GAB2: variants seen among roughly 807,000 people sequenced by gnomAD.
GAB2 encodes the protein GRB2-associated-binding protein 2.
In GAB2, 26 loss-of-function variants were observed where a neutral mutation model predicts 65.5. The observed-to-expected ratio is 0.40, with a 90% CI of 0.29 to 0.55. GAB2 has a LOEUF of 0.55. Among genes scored for constraint, GAB2 ranks in the 20% least tolerant of loss-of-function variants. GAB2 has a pLI of 0.53. For missense variants in GAB2, 884 were observed against 875.8 expected (o/e 1.01, Z -0.12); for synonymous variants, 321 against 329.6 (o/e 0.97, Z 0.28).
At chr11:78,343,384 G>C (rs1005691624) in intron 1 of GAB2, among the ~76,000 whole-genome samples, 1 of 143,544 alleles carries the variant, frequency 7.0e-6, no homozygotes. Flanking sequence ...GGGAAGGAGA[G>C]AGGGAGAGAG....
intron 1 of GAB2, among the ~76,000 whole-genome samples, chr11:78,350,419 A>G (rs1856258542): frequency 6.6e-6 from 1 of 152,238 alleles, no homozygotes; most frequent in African/African-American, 2.4e-5. Flanking sequence ...ACAAAGGCCC[A>G]GCGTTTCTAA....
rs1864172455 is a variant in GAB2, at chr11:78,216,822, C to G, written c.*2450G>C. The stretch of plus-strand genomic sequence containing the variant: ...TTAAAAGCTCTGTCGTATGGGGCCC[C>G]TTGTAGGGGGCCTTTAAGGCACACA... On this transcript the variant is annotated 3_prime_UTR_variant, in exon 10 of 10. Transcript: ENST00000361507. 6.6e-6 allele frequency: 1 copy of G among 152,188 alleles called. No homozygotes were observed. Among genetic ancestry groups the G allele is most frequent in the Non-Finnish European group, 1.5e-5 (1 of 68,046 alleles). The allele number at this position is 152,188 out of a possible 1,614,324, so 9.4% of individuals were successfully genotyped here.
chr11:78,328,876 C>G (rs1855869123), intron 1 of GAB2, among the ~76,000 whole-genome samples: 1 of 152,070 alleles, frequency 6.6e-6, no homozygotes, highest in Non-Finnish European at 1.5e-5. Context: ...ACATTTTTGT[C>G]ACATCTCAAA....
At chr11:78,298,968 A>G (rs904327578) in intron 1 of GAB2, among the ~76,000 whole-genome samples, 2 of 152,194 alleles carry the variant, frequency 1.3e-5, no homozygotes, top group South Asian at 4.1e-4. Context: ...TCAAACTTCA[A>G]TGTGCATCAG....
intron 1 of GAB2, among the ~76,000 whole-genome samples, chr11:78,291,059 A>C (rs1034579682): frequency 6.7e-6 from 1 of 148,466 alleles, no homozygotes; most frequent in Non-Finnish European, 1.5e-5. Context: ...TGTTCCAATA[A>C]AACTGCTTAG....
intron 1 of GAB2, among the ~76,000 whole-genome samples, chr11:78,356,579 T>C (rs185815860): frequency 3.9e-4 from 59 of 152,346 alleles, no homozygotes; most frequent in South Asian, 8.3e-4. Flanking sequence ...TATAAGACTT[T>C]GGTTTTGAGC....
chr11:78,234,176 A>G (rs1864925741), intron 3 of GAB2, among the ~76,000 whole-genome samples: 1 of 152,084 alleles, frequency 6.6e-6, no homozygotes, highest in African/African-American at 2.4e-5. Flanking sequence ...GACCTCCCCC[A>G]GGCTCAAGTG....
Position 78,215,723 on chromosome 11 carries a change from A to G in GAB2, c.*3549T>C, listed in dbSNP as rs1046780. The stretch of plus-strand genomic sequence containing the variant: ...TGGGGACCCCCTCGGCAGGTACCCC[A>G]TTGTGGTCCCAGGTCCTAAACAGCA... On this transcript the variant is annotated 3_prime_UTR_variant, in exon 10 of 10. Coordinates refer to ENST00000361507, the MANE Select transcript of GAB2 (RefSeq NM_080491.3). The G allele has an allele frequency of 0.27, 41,886 of 152,322 alleles. 6,763 individuals are homozygous for G. The highest frequency in any genetic ancestry group is 0.44 in the African/African-American group (18,207 of 41,474). The allele number at this position is 152,322 out of a possible 1,614,324, so 9.4% of individuals were successfully genotyped here. A position where few individuals can be genotyped will look rare whatever the true frequency, so the allele number is the denominator to read the frequency against.
chr11:78,264,015 T>C (rs1488432205), intron 2 of GAB2, among the ~76,000 whole-genome samples: 1 of 152,084 alleles, frequency 6.6e-6, no homozygotes, highest in Non-Finnish European at 1.5e-5. Context: ...CAATCTAACA[T>C]ATCTCCACAA....
chr11:78,367,383 T>C (rs554743661), intron 1 of GAB2, among the ~76,000 whole-genome samples: 3 of 152,314 alleles, frequency 2.0e-5, no homozygotes, highest in East Asian at 3.9e-4. Context: ...CGTGCGTGCA[T>C]GTGATACAGC....
intron 1 of GAB2, among the ~76,000 whole-genome samples, chr11:78,355,629 A>T (rs1452908691): frequency 7.6e-6 from 1 of 132,112 alleles, no homozygotes; most frequent in East Asian, 2.6e-4. Context: ...GTGAGCTATG[A>T]TTGCGCCACC....
intron 3 of GAB2, among the ~76,000 whole-genome samples, chr11:78,235,301 C>T (rs1488535425): frequency 3.3e-5 from 5 of 151,848 alleles, no homozygotes; most frequent in South Asian, 4.2e-4. Flanking sequence ...TAAAGGCGCC[C>T]GTCACCATGC....
intron 1 of GAB2, among the ~76,000 whole-genome samples, chr11:78,346,691 A>T (rs1565168107): frequency 1.0e-5 from 1 of 98,332 alleles, no homozygotes; most frequent in African/African-American, 4.1e-5. Flanking sequence ...ATATATATAT[A>T]TATATATATA....
intron 1 of GAB2, among the ~76,000 whole-genome samples, chr11:78,333,616 G>A (rs1490375072): frequency 6.6e-6 from 1 of 152,152 alleles, no homozygotes; most frequent in Admixed American, 6.5e-5. Context: ...AAGACAGACT[G>A]AAAAACAAAA....
At chr11:78,400,259 A>C (rs1346805442) in intron 1 of GAB2, among the ~76,000 whole-genome samples, 1 of 152,138 alleles carries the variant, frequency 6.6e-6, no homozygotes, top group Non-Finnish European at 1.5e-5. Flanking sequence ...AGTCCAACTC[A>C]CATGTCCACC....
At chr11:78,236,767 C>T (rs1405736721) in intron 3 of GAB2, among the ~76,000 whole-genome samples, 3 of 38,038 alleles carry the variant, frequency 7.9e-5, no homozygotes, top group African/African-American at 1.2e-4. Context: ...TAATGAATTA[C>T]TTTGATTGTT....
Position 78,323,753 on chromosome 11 carries a change from C to CA in GAB2, c.76-42853dup, listed in dbSNP as rs148920446. Among the ~76,000 whole-genome samples the CA allele has an allele frequency of 3.7e-4, 56 of 149,756 alleles. No individual in the cohort carries two copies. The East Asian group carries it at 0.01, about 27-fold the overall frequency. ...ACACCTCAGCATCTTGTAATATATCCATGGAACAAACCTACACGTGTACCC... is the reference window on the plus strand; with the variant it reads ...ACACCTCAGCATCTTGTAATATATCCAATGGAACAAACCTACACGTGTACCC... On this transcript the variant is annotated intron_variant, in intron 1 of 9. Coordinates refer to ENST00000361507, the MANE Select transcript of GAB2 (RefSeq NM_080491.3).
At chr11:78,313,591 G>A (rs938117844) in intron 1 of GAB2, among the ~76,000 whole-genome samples, 2 of 152,164 alleles carry the variant, frequency 1.3e-5, no homozygotes, top group Non-Finnish European at 2.9e-5. Context: ...CCAATAGGCT[G>A]ATTCATTTGT....
Position 78,280,612 on chromosome 11 carries a change from T to C in GAB2, c.365A>G (p.Glu122Gly), listed in dbSNP as rs1866307724. Residue 122 changes from glutamate (E) to glycine (G), a missense_variant, in exon 2 of 10, where the codon GAG (glutamate) becomes GGG (glycine). By Grantham distance (98) the Glu-to-Gly change is moderately conservative. Coordinates refer to ENST00000361507, the MANE Select transcript of GAB2 (RefSeq NM_080491.3). ...GTGCGTTCTCATACCTGTGCTCTCC[T>C]CAGCCTGATTGAAGCCACAGATCTG... Reference protein sequence around the residue: ...ICQICGFNQAEESTDSLRNVS... With the variant: ...ICQICGFNQAGESTDSLRNVS... The C allele has an allele frequency of 1.2e-6, 2 of 1,613,740 alleles. No homozygotes were observed. Among genetic ancestry groups the C allele is most frequent in the Non-Finnish European group, 1.7e-6 (2 of 1,179,690 alleles).
Sources: gnomAD v4.1 joint callset for allele counts (sites outside exome capture counted in the v4.1 genomes callset) on GRCh38, gnomAD v4.1.1 for gene constraint, MANE v1.5 for transcripts, NCBI Gene and HGNC (gene_info 2026-07-23, HGNC 2026-07-21) for gene names.